Variants in CEP135 observed in about 807,000 individuals in gnomAD.
CEP135 encodes the protein centrosomal protein 135, also known as centrosomal protein of 135 kDa.
CEP135 carries 142 observed loss-of-function variants against 157.3 expected under a neutral mutation model. That is an observed-to-expected ratio of 0.90 (90% CI 0.79 to 1.04). CEP135 has a LOEUF of 1.04. Among genes scored for constraint, CEP135 ranks in the 50% least tolerant of loss-of-function variants. CEP135 has a pLI of 0.00. For synonymous variants in CEP135, 396 were observed against 439.8 expected (o/e 0.90, Z 1.25); for missense variants, 1,317 against 1,309.2 (o/e 1.01, Z -0.09).
chr4:56,031,540 T>G lies in CEP135; in HGVS notation c.*192T>G, dbSNP rs1228197894. On this transcript the variant is annotated 3_prime_UTR_variant, in exon 26 of 26. Coordinates refer to ENST00000257287, the MANE Select transcript of CEP135 (RefSeq NM_025009.5). ...TTTAAAAGAACTATATCTATATGTA[T>G]ATTTTCATATATATGACAGAACAAG... 1 of 152,614 alleles carries G rather than the reference T, an allele frequency of 6.6e-6. No individual in the cohort carries two copies. Among genetic ancestry groups the G allele is most frequent in the African/African-American group, 2.4e-5 (1 of 41,458 alleles). 9.5% of individuals were successfully genotyped at this position (152,614 alleles called of 1,614,324 possible).
Position 56,005,529 on chromosome 4 carries a change from A to G in CEP135, c.2281-2798A>G, listed in dbSNP as rs963548229. On this transcript the variant is annotated intron_variant, in intron 17 of 25. Coordinates refer to ENST00000257287, the MANE Select transcript of CEP135 (RefSeq NM_025009.5). ...TTGACTTGTGGTTGTCTTAATTTAC[A>G]GATTTGTATATTGCCTATCTCTTAA... is the stretch of plus-strand genomic sequence containing the variant. Among the ~76,000 whole-genome samples, 5 of 152,296 alleles carry G rather than the reference A, an allele frequency of 3.3e-5. No individual in the cohort carries two copies. The South Asian group carries it at 8.3e-4, about 25-fold the overall frequency.
chr4:55,991,312 T>C (rs1729783212), intron 14 of CEP135, among the ~76,000 whole-genome samples: 1 of 149,984 alleles, frequency 6.7e-6, no homozygotes, highest in African/African-American at 2.5e-5. Flanking sequence ...TTTTTCCTGT[T>C]TTTTTCTTTT....
At chr4:55,969,626 A>T (rs761656465) in intron 9 of CEP135, among the ~76,000 whole-genome samples, 1 of 152,078 alleles carries the variant, frequency 6.6e-6, no homozygotes. Flanking sequence ...GGTAGCATTT[A>T]TGAGTACTTC....
chr4:55,970,243 T>G (rs1017612383), intron 9 of CEP135, among the ~76,000 whole-genome samples: 2 of 152,132 alleles, frequency 1.3e-5, no homozygotes, highest in African/African-American at 4.8e-5. Flanking sequence ...TCTGGTAGTC[T>G]TCAAATAACA....
At chr4:55,957,174 G>T (rs760310911) in intron 4 of CEP135, 49 bp from the exon 5 acceptor site, 5 of 1,591,360 alleles carry the variant, frequency 3.1e-6, no homozygotes, top group African/African-American at 1.4e-5. Flanking sequence ...TTAATTCTAA[G>T]ACATGGTTTT....
chr4:56,000,855 T>C (rs1015827577), intron 17 of CEP135, among the ~76,000 whole-genome samples: 2 of 152,194 alleles, frequency 1.3e-5, no homozygotes, highest in African/African-American at 4.8e-5. Context: ...GCTGTACTAA[T>C]TTACATTCCC....
chr4:56,030,940 T>C (rs1237466643), intron 25 of CEP135, among the ~76,000 whole-genome samples: 1 of 152,092 alleles, frequency 6.6e-6, no homozygotes, highest in Non-Finnish European at 1.5e-5. Flanking sequence ...TTCAGGAGTC[T>C]GAGACTAGCC....
intron 21 of CEP135, 78 bp downstream of exon 21, chr4:56,012,063 A>AT: frequency 3.7e-5 from 36 of 964,814 alleles, no homozygotes; most frequent in Middle Eastern, 3.6e-4. Context: ...TTATTTATTT[A>AT]TTTATTTTTT....
rs1375983247 is a variant in CEP135, at chr4:56,008,339, G to A, written c.2293G>A (p.Ala765Thr). The A allele has an allele frequency of 1.2e-6, 2 of 1,608,870 alleles. No individual in the cohort carries two copies. The highest frequency in any genetic ancestry group is 1.7e-6 in the Non-Finnish European group (2 of 1,177,828). Reference sequence around the variant, plus strand: ...GTAATTTCTATAGGAAAAAGCTGTTGCTCAAATGAAGATAATGATCTCAGA... The same window carrying A: ...GTAATTTCTATAGGAAAAAGCTGTTACTCAAATGAAGATAATGATCTCAGA... ...ENLANKEKAV[A>T]QMKIMISECE... is the part of the protein sequence containing the mutation. Residue 765 changes from alanine to threonine, a missense_variant, in exon 18 of 26, where the codon GCT becomes ACT. Transcript: ENST00000257287.
intron 17 of CEP135, among the ~76,000 whole-genome samples, chr4:56,005,978 A>G (rs528937283): frequency 6.6e-6 from 1 of 152,006 alleles, no homozygotes; most frequent in South Asian, 2.1e-4. Flanking sequence ...GAGTTCCTTT[A>G]TATGTTATTT....
chr4:56,020,817 A>G, intron 24 of CEP135, 37 bp downstream of exon 24: 4 of 1,472,266 alleles, frequency 2.7e-6, no homozygotes, highest in Non-Finnish European at 2.8e-6. Context: ...CAATGTTTTT[A>G]TGTGTTCTCT....
At chr4:56,007,555 C>A (rs897270566) in intron 17 of CEP135, among the ~76,000 whole-genome samples, 1 of 152,210 alleles carries the variant, frequency 6.6e-6, no homozygotes. Flanking sequence ...CCCACTTAGT[C>A]TCTGGGTATC....
At chr4:56,029,148 A>G (rs981695425) in intron 25 of CEP135, among the ~76,000 whole-genome samples, 1 of 152,260 alleles carries the variant, frequency 6.6e-6, no homozygotes, top group African/African-American at 2.4e-5. Flanking sequence ...TCAGGAAAGC[A>G]GCTCAAAGCT....
chr4:55,959,831 T>G (rs767819722), intron 6 of CEP135, 65 bp downstream of exon 6: 1 of 1,262,120 alleles, frequency 7.9e-7, no homozygotes, highest in East Asian at 2.3e-5. Flanking sequence ...TAAATAGAAT[T>G]GGGTTATATT....
At chr4:55,986,667 CTTTTA>C (rs1729598461) in intron 14 of CEP135, among the ~76,000 whole-genome samples, 2 of 152,062 alleles carry the variant, frequency 1.3e-5, no homozygotes, top group African/African-American at 4.8e-5. Flanking sequence ...ATAATTTCAA[CTTTTA>C]TTTTAGATTC....
chr4:56,024,104 T>G (rs1731072352), intron 24 of CEP135, among the ~76,000 whole-genome samples: 1 of 144,520 alleles, frequency 6.9e-6, no homozygotes, highest in Non-Finnish European at 1.5e-5. Flanking sequence ...ATTAGTTATA[T>G]GGTATAGTAT....
chr4:56,010,553 C>T (rs937670160), intron 19 of CEP135, among the ~76,000 whole-genome samples: 7 of 152,036 alleles, frequency 4.6e-5, no homozygotes, highest in East Asian at 1.9e-4. Context: ...GTCACCCTAC[C>T]GGGCGAGGAC....
chr4:56,006,867 C>A (rs537454780), intron 17 of CEP135, among the ~76,000 whole-genome samples: 154 of 152,158 alleles, frequency 1.0e-3, no homozygotes, highest in Non-Finnish European at 2.0e-3. Context: ...CTCCAGTCTT[C>A]TCTGTCTGGC....
chr4:56,031,551 A>G lies in CEP135; in HGVS notation c.*203A>G, dbSNP rs888772353. Reference sequence around the variant, plus strand: ...TATATCTATATGTATATTTTCATATATATGACAGAACAAGAATATGTATTA... The same window carrying G: ...TATATCTATATGTATATTTTCATATGTATGACAGAACAAGAATATGTATTA... On this transcript the variant is annotated 3_prime_UTR_variant, in exon 26 of 26. Coordinates refer to ENST00000257287, the MANE Select transcript of CEP135 (RefSeq NM_025009.5). 2.6e-5 allele frequency: 4 copies of G among 152,628 alleles called. No homozygotes were observed. The highest frequency in any genetic ancestry group is 2.6e-4 in the Admixed American group (4 of 15,284). The allele number at this position is 152,628 out of a possible 1,614,324, so 9.5% of individuals were successfully genotyped here. A position where few individuals can be genotyped will look rare whatever the true frequency, so the allele number is the denominator to read the frequency against.
Sources: gnomAD v4.1 joint callset for allele counts (sites outside exome capture counted in the v4.1 genomes callset) on GRCh38, gnomAD v4.1.1 for gene constraint, MANE v1.5 for transcripts, NCBI Gene and HGNC (gene_info 2026-07-23, HGNC 2026-07-21) for gene names.